The following RBM25 variants were observed in gnomAD, a reference collection of about 807,000 sequenced individuals.
The protein encoded by RBM25 is RNA binding motif protein 25.
RBM25 carries 19 observed loss-of-function variants against 120.7 expected under a neutral mutation model. That is an observed-to-expected ratio of 0.16 (90% confidence interval 0.11 to 0.23). The LOEUF is 0.23. Among genes scored for constraint, RBM25 ranks in the 10% least tolerant of loss-of-function variants. RBM25 has a pLI of 1.00. For synonymous variants in RBM25, 390 were observed against 326.7 expected (o/e 1.19, Z -2.09); for missense variants, 605 against 1,041.5 (o/e 0.58, Z 5.77).
In RBM25 at chr14:73,119,810, TTTTATA is replaced by T. The variant is rs756798177; in HGVS notation, c.*10_*15del. On this transcript the variant is annotated 3_prime_UTR_variant, in exon 19 of 19. Transcript: ENST00000261973. Reference sequence around the variant, plus strand: ...AAAATTGGTCTTGTGAAGTAAAACTTTTTATATTTAGAGTTCCATTTCAGATTTCTT... The same window carrying T: ...AAAATTGGTCTTGTGAAGTAAAACTTTTTAGAGTTCCATTTCAGATTTCTT... The T allele has an allele frequency of 4.4e-6, 7 of 1,599,346 alleles. No individual in the cohort carries two copies. The highest frequency in any genetic ancestry group is 4.5e-5 in the East Asian group (2 of 44,556).
intron 18 of RBM25, among the ~76,000 whole-genome samples, chr14:73,116,005 G>C (rs959063816): frequency 6.6e-6 from 1 of 152,106 alleles, no homozygotes; most frequent in Non-Finnish European, 1.5e-5. Context: ...GGAAAGACTA[G>C]ATACTTGCCA....
In RBM25 at chr14:73,059,030, G is replaced by T. The variant is rs946873516; in HGVS notation, c.-16+325G>T. Among the ~76,000 whole-genome samples, 39 of 152,206 alleles carry T rather than the reference G, an allele frequency of 2.6e-4. 1 individual carries two copies. Among genetic ancestry groups the T allele is most frequent in the African/African-American group, 9.2e-4 (38 of 41,522 alleles). ...TCTGCCCCCCCTGGGCTCCACGTTA[G>T]ATACAAAACGATCGATCTGCCCCAG... On this transcript the variant is annotated intron_variant, in intron 1 of 18. Transcript: ENST00000261973.
rs776609525 is a variant in RBM25 at position 73,087,991 on chromosome 14, C to T, written c.383-10C>T. ...TTGGTATTTCACTAATTGTTTTCAT[C>T]CATTGCTAGCCTTCGGATTCTGTGA... On this transcript the variant is annotated splice_polypyrimidine_tract_variant and intron_variant, in intron 5 of 18. Transcript: ENST00000261973. The T allele has an allele frequency of 1.9e-6, 3 of 1,600,670 alleles. No homozygotes were observed. The South Asian group carries it at 3.4e-5, about 18-fold the overall frequency.
chr14:73,096,378 A>C (rs966364290), intron 6 of RBM25, among the ~76,000 whole-genome samples: 1 of 152,076 alleles, frequency 6.6e-6, no homozygotes, highest in Non-Finnish European at 1.5e-5. Flanking sequence ...CATTATAAGC[A>C]CTCGTAGAAA....
In RBM25 at chr14:73,114,286, G is replaced by A. The variant is rs755097869; in HGVS notation, c.2392G>A (p.Val798Ile). The A allele has an allele frequency of 9.7e-6, 15 of 1,548,888 alleles. No homozygotes were observed. Among genetic ancestry groups the A allele is most frequent in the Non-Finnish European group, 1.3e-5 (15 of 1,145,202 alleles). The part of the protein sequence containing the change: ...ATLVDFVCSK[V>I]MAHSSPQSIL... ...TGTGACAATTATTTTTCTCTTTTAG[G>A]TTATGGCTCATAGTTCACCCCAGAG... Residue 798 changes from valine (V) to isoleucine (I), a missense_variant and splice_region_variant, in exon 18 of 19, where the codon GTT (valine) becomes ATT (isoleucine). Val to Ile is a conservative substitution (Grantham distance 29, BLOSUM62 3). Around this residue, in one of 4 missense-constraint regions of RBM25, gnomAD observed 23 missense variants for 83.2 expected, o/e 0.28. Coordinates refer to ENST00000261973, the MANE Select transcript of RBM25 (RefSeq NM_021239.3).
intron 1 of RBM25, among the ~76,000 whole-genome samples, chr14:73,066,504 G>A (rs546114701): frequency 6.6e-5 from 10 of 152,112 alleles, no homozygotes; most frequent in African/African-American, 1.9e-4. Context: ...GAGCTTGGTC[G>A]TGCGTGCCTT....
At chr14:73,100,049 A>G in intron 9 of RBM25, 1 of 467,792 alleles carries the variant, frequency 2.1e-6, no homozygotes, top group Non-Finnish European at 3.7e-6. Flanking sequence ...CTTAAATTAG[A>G]TTCAGGGGGC....
At chr14:73,073,990 G>A (rs78832642) in intron 2 of RBM25, among the ~76,000 whole-genome samples, 19,980 of 152,176 alleles carry the variant, frequency 0.13, 1,374 homozygotes, top group African/African-American at 0.15. Flanking sequence ...TTTGGACAAA[G>A]TTTTTTCTTA....
intron 4 of RBM25, among the ~76,000 whole-genome samples, chr14:73,079,091 C>T (rs28664604): frequency 6.3e-5 from 9 of 142,994 alleles, no homozygotes; most frequent in African/African-American, 2.2e-4. Context: ...CTTGATGATA[C>T]ATGTACATTG....
At chr14:73,077,822 T>C (rs565410654) in intron 4 of RBM25, among the ~76,000 whole-genome samples, 1 of 152,318 alleles carries the variant, frequency 6.6e-6, no homozygotes, top group South Asian at 2.1e-4. Context: ...ATTTATCTCC[T>C]AAGAGCAAGG....
intron 7 of RBM25, among the ~76,000 whole-genome samples, chr14:73,097,439 T>C (rs1895972810): frequency 6.6e-6 from 1 of 152,216 alleles, no homozygotes; most frequent in Admixed American, 6.5e-5. Flanking sequence ...GACCTCGTGG[T>C]CGACCCGCCT....
Position 73,058,575 on chromosome 14 carries a change from G to A in RBM25, c.-146G>A, listed in dbSNP as rs560434858. ...GCCGCGCAGCGCGGCTGTATTTGCG[G>A]CCTGTGCGAGTAGGCGCTTGGGCAC... On this transcript the variant is annotated 5_prime_UTR_variant, in exon 1 of 19. Coordinates refer to ENST00000261973, the MANE Select transcript of RBM25 (RefSeq NM_021239.3). 2 of 152,324 alleles carry A rather than the reference G, an allele frequency of 1.3e-5. No individual in the cohort carries two copies. The highest frequency in any genetic ancestry group is 1.9e-4 in the East Asian group (1 of 5,174). The allele number at this position is 152,324 out of a possible 1,614,324, so 9.4% of individuals were successfully genotyped here.
chr14:73,118,221 A>G (rs1896474453), intron 18 of RBM25, among the ~76,000 whole-genome samples: 1 of 152,214 alleles, frequency 6.6e-6, no homozygotes, highest in Non-Finnish European at 1.5e-5. Context: ...CAAACCTGTA[A>G]TCCCAGCACT....
intron 3 of RBM25, among the ~76,000 whole-genome samples, chr14:73,076,685 A>G (rs886829546): frequency 6.6e-6 from 1 of 151,896 alleles, no homozygotes; most frequent in Non-Finnish European, 1.5e-5. Flanking sequence ...TGGTCCTGGG[A>G]GATGGGAGAA....
At chr14:73,088,488 A>G (rs1005067574) in intron 6 of RBM25, 8 of 454,840 alleles carry the variant, frequency 1.8e-5, no homozygotes, top group African/African-American at 1.6e-4. Context: ...AGTACAAAAT[A>G]TATTTCAACC....
At chr14:73,100,557 G>T in intron 9 of RBM25, 2 of 404,246 alleles carry the variant, frequency 4.9e-6, no homozygotes, top group Non-Finnish European at 8.9e-6. Context: ...TTTGAACGGT[G>T]CAATGCAAAC....
chr14:73,063,310 C>T (rs373169618), intron 1 of RBM25, among the ~76,000 whole-genome samples: 17 of 151,040 alleles, frequency 1.1e-4, no homozygotes, highest in Admixed American at 5.3e-4. Flanking sequence ...CCACTATGCC[C>T]GGCTAAATTT....
chr14:73,090,958 A>G (rs79389413), intron 6 of RBM25, among the ~76,000 whole-genome samples: 2,604 of 152,318 alleles, frequency 0.017, 53 homozygotes, highest in African/African-American at 0.043. Context: ...CTCAAAAAAC[A>G]GAAATGTTTG....
At position 73,093,948 on chromosome 14, in the gene RBM25, G is replaced by GTC. The variant is rs1394503571; in HGVS notation, c.544-2966_544-2965insCT. ...TGATCATCTACCATGATCAGGTTTT[G>GTC]TTTTTTTTTTTTTTTTTTCTTGAGA... is the stretch of plus-strand genomic sequence containing the variant. On this transcript the variant is annotated intron_variant, in intron 6 of 18. Coordinates refer to ENST00000261973, the MANE Select transcript of RBM25 (RefSeq NM_021239.3). 3.3e-5 allele frequency among the ~76,000 whole-genome samples: 4 copies of GTC among 122,188 alleles called. No individual in the cohort carries two copies. In the South Asian group the frequency reaches 1.0e-3, roughly 31 times the overall value. The allele number at this position is 122,188 out of a possible 152,430, so 80.2% of individuals were successfully genotyped here.
Sources: allele counts gnomAD v4.1 joint callset (sites outside exome capture counted in the v4.1 genomes callset), GRCh38; gene constraint gnomAD v4.1.1; regional missense constraint gnomAD v4.1.1; transcripts MANE v1.5; gene names NCBI Gene and HGNC (gene_info 2026-07-23, HGNC 2026-07-21).